Variants in PTPN9 observed in about 807,000 individuals in gnomAD.
The protein encoded by PTPN9 is tyrosine-protein phosphatase non-receptor type 9.
Under a neutral mutation model 69.8 loss-of-function variants are expected in PTPN9, and 26 were observed. The observed-to-expected ratio is 0.37, with a 90% CI of 0.27 to 0.52. The LOEUF (loss-of-function observed/expected upper bound fraction) is 0.52, where lower values mean the gene tolerates loss of function less well. PTPN9 is among the 20% of genes least tolerant of loss of function. The pLI, the probability that PTPN9 is intolerant of heterozygous loss-of-function variation, is 0.91. For missense variants in PTPN9, 549 were observed against 740.3 expected, an observed-to-expected ratio of 0.74 and a Z score of 3.00; for synonymous variants, 274 against 272.5, an observed-to-expected ratio of 1.01 and a Z score of -0.05.
In PTPN9 at chr15:75,558,003, T is replaced by A. The variant is rs147739439; in HGVS notation, c.63+20711A>T. Among the ~76,000 whole-genome samples the A allele has an allele frequency of 2.1e-3, 324 of 152,204 alleles. 2 individuals are homozygous for A. The highest frequency in any genetic ancestry group is 7.3e-3 in the African/African-American group (302 of 41,532). ...AGAGGTCAGGAGTTCAAGACCAGCC[T>A]GGCCAACATGCCAAAACCTCATCTG... On this transcript the variant is annotated intron_variant, in intron 1 of 12. Transcript: ENST00000618819.
chr15:75,473,846 C>T (rs1397337237), intron 9 of PTPN9, 79 bp from the exon 10 acceptor site: 14 of 1,065,642 alleles, frequency 1.3e-5, no homozygotes, highest in Non-Finnish European at 2.0e-5. Flanking sequence ...GTTTTACTCC[C>T]CAATGGTAAC....
intron 1 of PTPN9, among the ~76,000 whole-genome samples, chr15:75,576,968 T>C (rs2075176713): frequency 6.6e-6 from 1 of 152,110 alleles, no homozygotes; most frequent in Non-Finnish European, 1.5e-5. Flanking sequence ...AAAAAAATAA[T>C]ATTTTGTAGA....
chr15:75,519,356 C>T (rs1051424708), intron 4 of PTPN9, among the ~76,000 whole-genome samples: 2 of 152,096 alleles, frequency 1.3e-5, no homozygotes, highest in Admixed American at 1.3e-4. Flanking sequence ...CCACCCACGT[C>T]GGCCTCCCAA....
intron 7 of PTPN9, among the ~76,000 whole-genome samples, chr15:75,492,386 A>G (rs1728637564): frequency 6.6e-6 from 1 of 152,182 alleles, no homozygotes; most frequent in Non-Finnish European, 1.5e-5. Flanking sequence ...AGAAGCTAGG[A>G]CCAAGGGAGG....
intron 11 of PTPN9, among the ~76,000 whole-genome samples, chr15:75,470,402 C>T (rs2074557802): frequency 6.6e-6 from 1 of 152,192 alleles, no homozygotes. Context: ...GTGATCCTTC[C>T]ACCTCTGCCT....
intron 6 of PTPN9, among the ~76,000 whole-genome samples, chr15:75,508,155 C>T (rs2141312549): frequency 6.6e-6 from 1 of 151,590 alleles, no homozygotes; most frequent in East Asian, 1.9e-4. Flanking sequence ...CTTTTAATTG[C>T]TGCAATCAGT....
At chr15:75,547,434 T>C (rs1389219603) in intron 1 of PTPN9, among the ~76,000 whole-genome samples, 2 of 151,466 alleles carry the variant, frequency 1.3e-5, no homozygotes, top group Non-Finnish European at 2.9e-5. Flanking sequence ...CCGTCTCTAC[T>C]AAAAATACAT....
chr15:75,498,491 G>C (rs561780572), intron 7 of PTPN9, among the ~76,000 whole-genome samples: 1 of 152,082 alleles, frequency 6.6e-6, no homozygotes. Context: ...GAGGTGAGTG[G>C]ATCACCTGAG....
rs2141287825 is a variant in PTPN9 at position 75,473,852 on chromosome 15, G to GT, written c.1130-86dup. On this transcript the variant is annotated intron_variant, in intron 9 of 12. Coordinates refer to ENST00000618819, the MANE Select transcript of PTPN9 (RefSeq NM_002833.4). ...GGCGCTTCTGTTTTACTCCCCAATG[G>GT]TAACTCCAAACCATAGATGGTTAGC... 37 of 1,027,706 alleles carry GT rather than the reference G, an allele frequency of 3.6e-5. 1 individual carries two copies. The South Asian group carries it at 4.9e-4, about 14-fold the overall frequency. 63.7% of individuals were successfully genotyped at this position (1,027,706 alleles called of 1,614,324 possible). A position where few individuals can be genotyped will look rare whatever the true frequency, so the allele number is the denominator to read the frequency against.
chr15:75,555,217 C>G (rs879920582), intron 1 of PTPN9, among the ~76,000 whole-genome samples: 3 of 152,186 alleles, frequency 2.0e-5, no homozygotes, highest in Non-Finnish European at 4.4e-5. Flanking sequence ...CTGGAGCTTT[C>G]ATCCAGTTCA....
At chr15:75,562,326 GC>G (rs1419165833) in intron 1 of PTPN9, among the ~76,000 whole-genome samples, 3 of 152,166 alleles carry the variant, frequency 2.0e-5, no homozygotes, top group African/African-American at 7.2e-5. Flanking sequence ...GAACAATGTA[GC>G]CACACCTCTA....
intron 2 of PTPN9, among the ~76,000 whole-genome samples, chr15:75,525,547 G>A (rs1177195452): frequency 4.0e-5 from 6 of 151,304 alleles, no homozygotes; most frequent in East Asian, 1.9e-4. Context: ...TCCTTTTTCC[G>A]GAGACATTCT....
At chr15:75,559,268 G>A (rs903688637) in intron 1 of PTPN9, among the ~76,000 whole-genome samples, 1 of 152,212 alleles carries the variant, frequency 6.6e-6, no homozygotes, top group Non-Finnish European at 1.5e-5. Flanking sequence ...CCGTCTGGGA[G>A]GTGTACCCAA....
intron 8 of PTPN9, among the ~76,000 whole-genome samples, chr15:75,481,337 G>A (rs1308035444): frequency 4.6e-5 from 2 of 43,808 alleles, no homozygotes; most frequent in East Asian, 1.3e-3. Flanking sequence ...CCGGGAGGGA[G>A]GTGGGGGGGG....
At chr15:75,551,234 G>A (rs550445719) in intron 1 of PTPN9, among the ~76,000 whole-genome samples, 20 of 151,436 alleles carry the variant, frequency 1.3e-4, no homozygotes, top group African/African-American at 3.2e-4. Context: ...CCACCCTGCC[G>A]AGGGCTGTTA....
chr15:75,578,538 C>A (rs936071237), intron 1 of PTPN9, among the ~76,000 whole-genome samples, 176 bp downstream of exon 1: 1 of 152,112 alleles, frequency 6.6e-6, no homozygotes, highest in Admixed American at 6.5e-5. Context: ...GTGGGTCCCC[C>A]GACGAGGGGG....
At chr15:75,576,923 A>T (rs2075176451) in intron 1 of PTPN9, among the ~76,000 whole-genome samples, 1 of 152,216 alleles carries the variant, frequency 6.6e-6, no homozygotes, top group African/African-American at 2.4e-5. Context: ...AATTAGAACT[A>T]TACTGCTTTT....
At chr15:75,517,392 T>C (rs1243110885) in intron 4 of PTPN9, 28 bp from the exon 5 acceptor site, 1 of 1,579,956 alleles carries the variant, frequency 6.3e-7, no homozygotes, top group South Asian at 1.1e-5. Flanking sequence ...AACAAAAACA[T>C]TTGTAAGTAA....
intron 7 of PTPN9, among the ~76,000 whole-genome samples, chr15:75,498,502 G>T (rs1257312596): frequency 6.6e-6 from 1 of 151,902 alleles, no homozygotes; most frequent in Non-Finnish European, 1.5e-5. Flanking sequence ...ATCACCTGAG[G>T]TCAGGAGTTT....
Sources: allele counts gnomAD v4.1 joint callset (sites outside exome capture counted in the v4.1 genomes callset), GRCh38; gene constraint gnomAD v4.1.1; transcripts MANE v1.5; gene names NCBI Gene and HGNC (gene_info 2026-07-23, HGNC 2026-07-21).